Variants in STK31 observed in about 807,000 individuals in gnomAD.
STK31 encodes serine/threonine-protein kinase 31.
Under a neutral mutation model 129.7 loss-of-function variants are expected in STK31, and 89 were observed. That is an observed-to-expected ratio of 0.69 (90% CI 0.58 to 0.82). The LOEUF is 0.82. Among genes scored for constraint, STK31 ranks in the 40% least tolerant of loss-of-function variants. The probability of loss-of-function intolerance (pLI) is 0.00; values close to 1 mark genes in which losing one functional copy is unlikely to be tolerated. For synonymous variants in STK31, 448 were observed against 395.3 expected (o/e 1.13, Z -1.58); for missense variants, 1,187 against 1,176.4 (o/e 1.01, Z -0.13).
intron 8 of STK31, among the ~76,000 whole-genome samples, chr7:23,750,119 A>G (rs1788626775): frequency 7.3e-6 from 1 of 137,066 alleles, no homozygotes. Flanking sequence ...GATGATATGT[A>G]TGATACTGTA....
intron 4 of STK31, 120 bp downstream of exon 4, chr7:23,717,699 G>T (rs1234277382): frequency 2.9e-6 from 2 of 686,138 alleles, no homozygotes; most frequent in African/African-American, 3.6e-5. Context: ...TTTGGAATTT[G>T]TATAAACTAC....
chr7:23,777,021 G>A (rs181312501), intron 15 of STK31, among the ~76,000 whole-genome samples: 65 of 152,236 alleles, frequency 4.3e-4, no homozygotes, highest in Admixed American at 2.4e-3. Flanking sequence ...GGTACATTGT[G>A]TCTTTGTTCT....
At chr7:23,812,003 G>T (rs1254977365) in intron 22 of STK31, among the ~76,000 whole-genome samples, 1 of 152,132 alleles carries the variant, frequency 6.6e-6, no homozygotes, top group African/African-American at 2.4e-5. Context: ...AGGATAGTCT[G>T]TGGTATTAGT....
rs557373130 is a variant in STK31, at chr7:23,832,240, A to G, written c.2934A>G (p.Gln978=). 8 of 1,614,098 alleles carry G rather than the reference A, an allele frequency of 5.0e-6. No homozygotes were observed. In the Admixed American group the frequency reaches 5.0e-5, roughly 10 times the overall value. The change falls in exon 24 of 24, where the codon CAA becomes CAG. Residue 978 remains glutamine (Q), a synonymous_variant. Transcript: ENST00000355870. The stretch of plus-strand genomic sequence containing the variant: ...AATGTTTCTTGATGCCAAAGGAGCA[A>G]TCAGTTCCAAACCCAGAAAAAGATA... ...NAECFLMPKE[Q]SVPNPEKDTE...
At chr7:23,822,568 T>C (rs959434829) in intron 23 of STK31, among the ~76,000 whole-genome samples, 1 of 152,174 alleles carries the variant, frequency 6.6e-6, no homozygotes, top group African/African-American at 2.4e-5. Flanking sequence ...GATTATGTCA[T>C]CTGCAAAGAG....
chr7:23,717,502 A>G lies in STK31; in HGVS notation c.172A>G (p.Ile58Val). ...WAQSINRNKD[I>V]MKIGCSLSEV... The stretch of plus-strand genomic sequence containing the variant: ...CTAGAGTATCAATAGAAATAAGGAT[A>G]TCATGAAGATTGGTTGCTCACTGTC... Residue 58 changes from isoleucine (I) to valine (V), a missense_variant, in exon 4 of 24, where the codon ATC becomes GTC. Around this residue, in one of 5 missense-constraint regions of STK31, gnomAD observed 104 missense variants for 98.3 expected, o/e 1.06. Coordinates refer to ENST00000355870, the MANE Select transcript of STK31 (RefSeq NM_031414.5). The G allele has an allele frequency of 1.9e-6, 3 of 1,611,708 alleles. No homozygotes were observed. Among genetic ancestry groups the G allele is most frequent in the Non-Finnish European group, 2.5e-6 (3 of 1,178,262 alleles).
At chr7:23,766,931 T>C (rs1789863826) in intron 11 of STK31, among the ~76,000 whole-genome samples, 2 of 152,184 alleles carry the variant, frequency 1.3e-5, no homozygotes. Flanking sequence ...ATCTTGTTGG[T>C]GTCTTTTTGG....
intron 4 of STK31, among the ~76,000 whole-genome samples, chr7:23,723,381 C>G (rs1786845588): frequency 2.6e-5 from 4 of 152,268 alleles, no homozygotes; most frequent in Admixed American, 2.6e-4. Flanking sequence ...TGAGACCCAT[C>G]ATTGGAGCCA....
rs3034048 is a variant in STK31 at position 23,830,592 on chromosome 7, T to TTGTGTGTGTGTGTGTGTG, written c.2830-1524_2830-1507dup. On this transcript the variant is annotated intron_variant, in intron 23 of 23. Transcript: ENST00000355870. ...AGCAGCACGTTGTTTAATTTCCATG[T>TTGTGTGTGTGTGTGTGTG]TGTGTGTGTGTGTGTGTGTGTGTGT... Among the ~76,000 whole-genome samples, 841 of 142,210 alleles carry TTGTGTGTGTGTGTGTGTG rather than the reference T, an allele frequency of 5.9e-3. 7 individuals are homozygous for TTGTGTGTGTGTGTGTGTG. The highest frequency in any genetic ancestry group is 0.011 in the African/African-American group (407 of 37,092). The allele number at this position is 142,210 out of a possible 152,430, so 93.3% of individuals were successfully genotyped here.
In STK31 at chr7:23,788,024, A is replaced by G. The variant is rs1791404960; in HGVS notation, c.2532A>G (p.Thr844=). ...VMKGVAQGLH[T]LHKADIIHGS... ...AAGGTGTTGCCCAGGGTCTGCATAC[A>G]TTGCATAAGGCTGACATAATTCATG... is the stretch of plus-strand genomic sequence containing the variant. Residue 844 remains threonine (T), a synonymous_variant, in exon 21 of 24, where the codon ACA becomes ACG. Transcript: ENST00000355870. 5 of 1,609,956 alleles carry G rather than the reference A, an allele frequency of 3.1e-6. No individual in the cohort carries two copies. Among genetic ancestry groups the G allele is most frequent in the East Asian group, 2.2e-5 (1 of 44,716 alleles).
At chr7:23,776,838 C>G (rs1790583460) in intron 15 of STK31, among the ~76,000 whole-genome samples, 1 of 151,984 alleles carries the variant, frequency 6.6e-6, no homozygotes, top group South Asian at 2.1e-4. Flanking sequence ...CTGCCCTGAT[C>G]TTAGTTATTT....
At chr7:23,748,856 T>G (rs1170415532) in intron 8 of STK31, among the ~76,000 whole-genome samples, 1 of 152,238 alleles carries the variant, frequency 6.6e-6, no homozygotes, top group Non-Finnish European at 1.5e-5. Context: ...CTGTGGAATC[T>G]AAAGTTATAC....
At chr7:23,816,756 A>G (rs1396074765) in intron 23 of STK31, among the ~76,000 whole-genome samples, 2 of 152,252 alleles carry the variant, frequency 1.3e-5, no homozygotes, top group East Asian at 1.9e-4. Flanking sequence ...TAGCAAAATC[A>G]TATAAGTGAT....
chr7:23,710,210 G>A (rs1323552108), upstream of STK31: 5 of 1,609,352 alleles, frequency 3.1e-6, no homozygotes, highest in African/African-American at 6.7e-5. Context: ...GGCGCAGTGT[G>A]GGGCCCTTGC....
At chr7:23,756,455 C>G (rs539157767) in intron 10 of STK31, among the ~76,000 whole-genome samples, 188 of 152,298 alleles carry the variant, frequency 1.2e-3, no homozygotes, top group African/African-American at 4.1e-3. Flanking sequence ...GACAACTTGT[C>G]TTCCTCTCTT....
chr7:23,754,380 G>C lies in STK31; in HGVS notation c.1199G>C (p.Gly400Ala). The C allele has an allele frequency of 1.2e-6, 2 of 1,613,950 alleles. No homozygotes were observed. Among genetic ancestry groups the C allele is most frequent in the Non-Finnish European group, 1.7e-6 (2 of 1,179,934 alleles). The part of the protein sequence containing the change: ...LSDAIQVLDE[G>A]CFTTPASLNG... ...GATGCTATACAAGTGTTGGATGAAG[G>C]GTGCTTTACTACTCCAGCTTCTTTG... Residue 400 changes from glycine (G) to alanine (A), a missense_variant, in exon 10 of 24, where the codon GGG (glycine) becomes GCG (alanine). This residue lies in a region of STK31 where 975 missense variants were observed against 934.9 expected (regional missense o/e 1.04). Coordinates refer to ENST00000355870, the MANE Select transcript of STK31 (RefSeq NM_031414.5).
intron 22 of STK31, among the ~76,000 whole-genome samples, chr7:23,796,548 C>CT (rs533757851): frequency 1.7e-3 from 263 of 151,900 alleles, no homozygotes; most frequent in Non-Finnish European, 2.3e-3. Flanking sequence ...GTACAATGGA[C>CT]TTTTTTTTGT....
rs77058440 is a variant in STK31 at position 23,714,225 on chromosome 7, A to G, written c.150+1939A>G. ...AATTCGTGTGTCTGCTTATGCACATATATTTGGCAAATTTGTTTCTGCTTA... is the reference window on the plus strand; with the variant it reads ...AATTCGTGTGTCTGCTTATGCACATGTATTTGGCAAATTTGTTTCTGCTTA... On this transcript the variant is annotated intron_variant, in intron 3 of 23. Coordinates refer to ENST00000355870, the MANE Select transcript of STK31 (RefSeq NM_031414.5). Among the ~76,000 whole-genome samples the G allele has an allele frequency of 6.6e-5, 10 of 152,310 alleles. No individual in the cohort carries two copies. In the East Asian group the frequency reaches 1.7e-3, roughly 26 times the overall value.
intron 22 of STK31, among the ~76,000 whole-genome samples, chr7:23,809,017 C>T (rs1218655722): frequency 7.0e-6 from 1 of 141,858 alleles, no homozygotes; most frequent in Non-Finnish European, 1.5e-5. Flanking sequence ...TCAAGGACCC[C>T]ATCAGAGATA....
Sources: allele counts gnomAD v4.1 joint callset (sites outside exome capture counted in the v4.1 genomes callset), GRCh38; gene constraint gnomAD v4.1.1; regional missense constraint gnomAD v4.1.1; transcripts MANE v1.5; gene names NCBI Gene and HGNC (gene_info 2026-07-23, HGNC 2026-07-21).